Variants in PEPD observed in about 807,000 individuals in gnomAD.
PEPD encodes the protein xaa-Pro dipeptidase.
In PEPD, 53 loss-of-function variants were observed where a neutral mutation model predicts 60.7. The observed-to-expected ratio is 0.87, with a 90% CI of 0.70 to 1.10. PEPD has a LOEUF of 1.10. PEPD is among the 50% of genes least tolerant of loss of function. The pLI is 0.00. For synonymous variants in PEPD, 267 were observed against 284.1 expected (o/e 0.94, Z 0.60); for missense variants, 711 against 711.9 (o/e 1.00, Z 0.01).
intron 3 of PEPD, among the ~76,000 whole-genome samples, chr19:33,502,299 A>T (rs1424392884): frequency 1.3e-5 from 2 of 152,108 alleles, no homozygotes; most frequent in African/African-American, 4.8e-5. Context: ...TGTTACAGTC[A>T]CCAGGTGCTG....
At chr19:33,507,397 C>T (rs1600172247) in intron 3 of PEPD, among the ~76,000 whole-genome samples, 1 of 152,182 alleles carries the variant, frequency 6.6e-6, no homozygotes, top group South Asian at 2.1e-4. Context: ...AAAATGCATT[C>T]AGAGCTACCA....
Position 33,501,235 on chromosome 19 carries a change from G to A in PEPD, c.330-234C>T, listed in dbSNP as rs374577585. On this transcript the variant is annotated intron_variant, in intron 3 of 14. Transcript: ENST00000244137. ...ACAGCTGCTTTCCTCAGCAAGCCCC[G>A]CTCCTCCGTGACCCTAGCCACCTGC... 3.3e-5 allele frequency among the ~76,000 whole-genome samples: 5 copies of A among 152,176 alleles called. No individual in the cohort carries two copies. The East Asian group carries it at 7.7e-4, about 24-fold the overall frequency.
At chr19:33,404,998 G>A (rs570471659) in intron 11 of PEPD, among the ~76,000 whole-genome samples, 4 of 152,348 alleles carry the variant, frequency 2.6e-5, no homozygotes, top group Non-Finnish European at 4.4e-5. Context: ...TGGCTCAATC[G>A]AGAACAGGCA....
At chr19:33,414,922 C>T (rs190032898) in intron 9 of PEPD, among the ~76,000 whole-genome samples, 3 of 152,336 alleles carry the variant, frequency 2.0e-5, no homozygotes, top group East Asian at 1.9e-4. Context: ...TCTCCTCAGC[C>T]GCCCCCGTAT....
intron 9 of PEPD, among the ~76,000 whole-genome samples, chr19:33,444,144 G>A (rs985292028): frequency 1.3e-4 from 20 of 152,130 alleles, no homozygotes; most frequent in African/African-American, 1.7e-4. Context: ...CATATCACAC[G>A]CACATGCACA....
intron 9 of PEPD, among the ~76,000 whole-genome samples, chr19:33,458,475 T>G (rs181260927): frequency 1.0e-4 from 15 of 150,174 alleles, no homozygotes; most frequent in African/African-American, 3.4e-4. Flanking sequence ...ATGTGGTATG[T>G]GGGGGTTGTG....
At chr19:33,493,810 C>T (rs568006503) in intron 4 of PEPD, among the ~76,000 whole-genome samples, 35 of 152,292 alleles carry the variant, frequency 2.3e-4, no homozygotes, top group African/African-American at 8.4e-4. Context: ...TCCCCAATCC[C>T]ACCCTCTGGC....
rs576495438 is a variant in PEPD, at chr19:33,478,565, G to C, written c.504-475C>G. ...CAAAAAAGTATCTTGAAAGCAGCAA[G>C]AGAAAAGTATTAATAATTCATCACT... On this transcript the variant is annotated intron_variant, in intron 6 of 14. Coordinates refer to ENST00000244137, the MANE Select transcript of PEPD (RefSeq NM_000285.4). Among the ~76,000 whole-genome samples, 18 of 152,210 alleles carry C rather than the reference G, an allele frequency of 1.2e-4. No homozygotes were observed. The South Asian group carries it at 1.5e-3, about 12-fold the overall frequency.
intron 9 of PEPD, among the ~76,000 whole-genome samples, chr19:33,454,643 T>TA (rs139998175): frequency 6.8e-5 from 10 of 147,522 alleles, no homozygotes; most frequent in East Asian, 2.0e-4. Flanking sequence ...ATTTCAAGTT[T>TA]AAAAAAAAAA....
At chr19:33,504,456 G>C in intron 3 of PEPD, among the ~76,000 whole-genome samples, 1 of 152,238 alleles carries the variant, frequency 6.6e-6, no homozygotes, top group East Asian at 1.9e-4. Context: ...CGCATGGGAA[G>C]TCTGGATGGA....
At chr19:33,450,349 T>G (rs1363686770) in intron 9 of PEPD, among the ~76,000 whole-genome samples, 1 of 152,176 alleles carries the variant, frequency 6.6e-6, no homozygotes, top group Non-Finnish European at 1.5e-5. Context: ...AGACAGATCC[T>G]CAGGAAATAC....
chr19:33,403,699 C>T (rs565469324), intron 11 of PEPD, among the ~76,000 whole-genome samples: 2 of 152,306 alleles, frequency 1.3e-5, no homozygotes, highest in East Asian at 1.9e-4. Context: ...CTTGAATGCA[C>T]GGCCAGGACG....
chr19:33,517,499 C>T (rs965347352), intron 1 of PEPD, among the ~76,000 whole-genome samples: 2 of 151,482 alleles, frequency 1.3e-5, no homozygotes, highest in African/African-American at 2.4e-5. Flanking sequence ...GCGGAGGTTG[C>T]AGTGAGCCAA....
At chr19:33,456,902 C>T (rs1969811848) in intron 9 of PEPD, among the ~76,000 whole-genome samples, 1 of 151,730 alleles carries the variant, frequency 6.6e-6, no homozygotes, top group Admixed American at 6.6e-5. Flanking sequence ...CAGGACCTCC[C>T]GGAGGAAGAC....
intron 11 of PEPD, among the ~76,000 whole-genome samples, chr19:33,410,792 T>C (rs1475156470): frequency 1.3e-5 from 2 of 150,308 alleles, no homozygotes; most frequent in South Asian, 2.1e-4. Context: ...CAGTGAAATG[T>C]CTGGAGGCCA....
chr19:33,414,986 C>T (rs1459971739), intron 9 of PEPD, among the ~76,000 whole-genome samples: 2 of 152,312 alleles, frequency 1.3e-5, no homozygotes, highest in East Asian at 3.9e-4. Context: ...GGAGTCTCAG[C>T]GCTGAGTTTC....
At chr19:33,502,317 A>G (rs1476197891) in intron 3 of PEPD, among the ~76,000 whole-genome samples, 1 of 152,102 alleles carries the variant, frequency 6.6e-6, no homozygotes, top group Non-Finnish European at 1.5e-5. Context: ...CTGGGTCCCA[A>G]ATAGGCCTCA....
At chr19:33,519,863 C>T (rs1415268697) in intron 1 of PEPD, among the ~76,000 whole-genome samples, 3 of 152,020 alleles carry the variant, frequency 2.0e-5, no homozygotes, top group Non-Finnish European at 2.9e-5. Context: ...GTCAGGAGTT[C>T]GAGACCAGTC....
At chr19:33,500,344 G>A (rs76338273) in intron 4 of PEPD, among the ~76,000 whole-genome samples, 14,543 of 152,272 alleles carry the variant, frequency 0.096, 719 homozygotes, top group East Asian at 0.15. Flanking sequence ...CCCACTGGCA[G>A]GAAGGAGAGC....
Sources: gnomAD v4.1 joint callset for allele counts (sites outside exome capture counted in the v4.1 genomes callset) on GRCh38, gnomAD v4.1.1 for gene constraint, MANE v1.5 for transcripts, NCBI Gene and HGNC (gene_info 2026-07-23, HGNC 2026-07-21) for gene names.